The following MBD2 variants were observed in gnomAD, a reference collection of about 807,000 sequenced individuals.
The protein encoded by MBD2 is methyl-CpG binding domain protein 2.
In MBD2, 9 loss-of-function variants were observed where a neutral mutation model predicts 39.3. The observed-to-expected ratio is 0.23, with a 90% confidence interval of 0.14 to 0.40. The LOEUF (loss-of-function observed/expected upper bound fraction) is 0.40. Ranked by LOEUF, MBD2 falls within the 10% of genes least tolerant of loss-of-function variation. MBD2 has a pLI of 1.00. For synonymous variants in MBD2, 233 were observed against 211.1 expected (o/e 1.10, Z -0.90); for missense variants, 458 against 532.6 (o/e 0.86, Z 1.38).
intron 1 of MBD2, among the ~76,000 whole-genome samples, chr18:54,208,625 G>C (rs2086473008): frequency 1.3e-5 from 2 of 152,216 alleles, no homozygotes; most frequent in Non-Finnish European, 2.9e-5. Context: ...TACTCAGGCA[G>C]TAACTCTTAC....
intron 1 of MBD2, 35 bp downstream of exon 1, chr18:54,223,983 A>G: frequency 6.6e-4 from 489 of 744,660 alleles, no homozygotes; most frequent in Non-Finnish European, 9.6e-4. Context: ...CCCCGGCCTG[A>G]CCCCGCCACC....
intron 5 of MBD2, among the ~76,000 whole-genome samples, chr18:54,160,650 T>TAAAAAAAA (rs574101659): frequency 1.3e-5 from 1 of 74,516 alleles, no homozygotes. Flanking sequence ...CTTTAAAAAG[T>TAAAAAAAA]AAAAAAAAAA....
At chr18:54,195,905 CTGAG>C (rs1327794739) in intron 2 of MBD2, among the ~76,000 whole-genome samples, 1 of 152,126 alleles carries the variant, frequency 6.6e-6, no homozygotes, top group Non-Finnish European at 1.5e-5. Context: ...AAAGGTGTGC[CTGAG>C]TGATACCTTT....
rs1265198224 is a variant in MBD2, at chr18:54,224,183, G to A, written c.377C>T (p.Pro126Leu). The change falls in exon 1 of 7, where the codon CCG (proline) becomes CTG (leucine). Residue 126 changes from proline to leucine, a missense_variant. Pro to Leu is a moderately conservative substitution (Grantham distance 98). Around this residue, in one of 2 missense-constraint regions of MBD2, gnomAD observed 269 missense variants for 236.0 expected, o/e 1.14. Coordinates refer to ENST00000256429, the MANE Select transcript of MBD2 (RefSeq NM_003927.5). ...SGGGGAPRRE[P>L]VPFPSGSAGP... The stretch of plus-strand genomic sequence containing the variant: ...CGCGCTCCCCGACGGGAAAGGGACC[G>A]GCTCCCGCCGGGGGGCGCCGCCGCC... The A allele has an allele frequency of 1.6e-6, 2 of 1,245,856 alleles. No homozygotes were observed. The highest frequency in any genetic ancestry group is 1.6e-5 in the African/African-American group (1 of 64,220). 77.2% of individuals were successfully genotyped at this position (1,245,856 alleles called of 1,614,324 possible). A position where few individuals can be genotyped will look rare whatever the true frequency, so the allele number is the denominator to read the frequency against.
chr18:54,161,288 C>T (rs950902682), intron 5 of MBD2, among the ~76,000 whole-genome samples: 7 of 152,222 alleles, frequency 4.6e-5, no homozygotes, highest in African/African-American at 1.7e-4. Context: ...TAGACTTCCA[C>T]TTATTAAATG....
At chr18:54,198,565 G>T (rs769428727) in intron 2 of MBD2, among the ~76,000 whole-genome samples, 9 of 152,062 alleles carry the variant, frequency 5.9e-5, no homozygotes, top group African/African-American at 1.9e-4. Flanking sequence ...AATACAAAAC[G>T]TTAGCCAGGA....
In MBD2 at chr18:54,224,284, C is replaced by A. The variant is rs1240145095; in HGVS notation, c.276G>T (p.Arg92=). The change falls in exon 1 of 7, where the codon CGG becomes CGT. Residue 92 remains arginine (R), a synonymous_variant. Coordinates refer to ENST00000256429, the MANE Select transcript of MBD2 (RefSeq NM_003927.5). ...RGRGRGRGRG[R]GRGRPPSGGS... ...CGCCACTCGGGGGACGGCCGCGGCC[C>A]CGGCCCCGGCCCCGTCCCCGTCCCC... 2.1e-6 allele frequency: 2 copies of A among 938,020 alleles called. No homozygotes were observed. The highest frequency in any genetic ancestry group is 1.8e-5 in the African/African-American group (1 of 55,438). 58.1% of individuals were successfully genotyped at this position (938,020 alleles called of 1,614,324 possible).
rs756585233 is a variant in MBD2 at position 54,224,214 on chromosome 18, T to TGCC, written c.343_345dup (p.Gly115dup). ...CGCCGGGGGGCGCCGCCGCCACCGC[T>TGCC]GCCGCCGCCGCCGCAGCCGCCGCCG... On this transcript the variant is annotated inframe_insertion, in exon 1 of 7. Transcript: ENST00000256429. The TGCC allele has an allele frequency of 0.14, 157,984 of 1,121,152 alleles. 11,195 individuals carry two copies. The highest frequency in any genetic ancestry group is 0.16 in the Non-Finnish European group (143,133 of 915,916). The allele number at this position is 1,121,152 out of a possible 1,614,324, so 69.5% of individuals were successfully genotyped here.
Position 54,188,858 on chromosome 18 carries a change from C to T in MBD2, c.840+16G>A, listed in dbSNP as rs1486935731. 4 of 1,576,178 alleles carry T rather than the reference C, an allele frequency of 2.5e-6. No homozygotes were observed. Among genetic ancestry groups the T allele is most frequent in the Non-Finnish European group, 3.5e-6 (4 of 1,157,780 alleles). ...TTTTCTGAAAAATAAGATTGGAGAA[C>T]GAATTAGATCCTTACCTGACGTGGC... On this transcript the variant is annotated intron_variant, in intron 3 of 6. Transcript: ENST00000256429.
chr18:54,195,218 T>G (rs1449473515), intron 2 of MBD2, among the ~76,000 whole-genome samples: 1 of 152,098 alleles, frequency 6.6e-6, no homozygotes, highest in Non-Finnish European at 1.5e-5. Flanking sequence ...TATACTATAT[T>G]GTAAATACCA....
chr18:54,169,989 A>G (rs2086168592), intron 3 of MBD2, among the ~76,000 whole-genome samples: 2 of 152,238 alleles, frequency 1.3e-5, no homozygotes, highest in African/African-American at 4.8e-5. Flanking sequence ...GGTCTGGGCA[A>G]TGTCCTATCC....
chr18:54,220,408 C>A (rs2086600732), intron 1 of MBD2, among the ~76,000 whole-genome samples: 1 of 152,060 alleles, frequency 6.6e-6, no homozygotes, highest in Non-Finnish European at 1.5e-5. Context: ...CAACTAGGGG[C>A]ACGCCTTCCT....
chr18:54,170,746 G>A (rs1172739720), intron 3 of MBD2, among the ~76,000 whole-genome samples: 1 of 152,130 alleles, frequency 6.6e-6, no homozygotes, highest in Admixed American at 6.6e-5. Context: ...AAGGCCGACT[G>A]CAATAATGAA....
intron 3 of MBD2, among the ~76,000 whole-genome samples, chr18:54,174,639 G>A (rs1246570289): frequency 6.6e-6 from 1 of 152,198 alleles, no homozygotes; most frequent in Admixed American, 6.5e-5. Flanking sequence ...AAATGTGGTT[G>A]TAATTATTTT....
intron 2 of MBD2, chr18:54,202,853 GACAA>G (rs1385034602): frequency 7.0e-7 from 1 of 1,419,330 alleles, no homozygotes. Context: ...AGCTGAAGCA[GACAA>G]ACAAGTCACA....
intron 5 of MBD2, among the ~76,000 whole-genome samples, chr18:54,162,529 C>T (rs1455255695): frequency 6.6e-6 from 1 of 152,096 alleles, no homozygotes; most frequent in Non-Finnish European, 1.5e-5. Context: ...GGAAATCATC[C>T]AGAATTGGCT....
intron 1 of MBD2, among the ~76,000 whole-genome samples, chr18:54,211,017 G>A (rs1599107397): frequency 6.7e-6 from 1 of 149,288 alleles, no homozygotes; most frequent in Non-Finnish European, 1.5e-5. Context: ...GACTACAGGC[G>A]CCCGCCACTA....
In MBD2 at chr18:54,173,311, T is replaced by TA. The variant is rs768189208; in HGVS notation, c.841-7146dup. Among the ~76,000 whole-genome samples, 68 of 151,686 alleles carry TA rather than the reference T, an allele frequency of 4.5e-4. No homozygotes were observed. In the East Asian group the frequency reaches 0.011, roughly 25 times the overall value. On this transcript the variant is annotated intron_variant, in intron 3 of 6. Transcript: ENST00000256429. ...AAATTAAAAATGTGAGGCCTCTTGT[T>TA]AAAAAAAAATTAAGAATTTCAAGGG...
chr18:54,197,376 C>A (rs1043269682), intron 2 of MBD2, among the ~76,000 whole-genome samples: 4 of 152,234 alleles, frequency 2.6e-5, no homozygotes, highest in South Asian at 2.1e-4. Context: ...TAGTACTACT[C>A]CTCCACTCCC....
Sources: allele counts gnomAD v4.1 joint callset (sites outside exome capture counted in the v4.1 genomes callset), GRCh38; gene constraint gnomAD v4.1.1; regional missense constraint gnomAD v4.1.1; transcripts MANE v1.5; gene names NCBI Gene and HGNC (gene_info 2026-07-23, HGNC 2026-07-21).